RGS6: variants seen among roughly 807,000 people sequenced by gnomAD.
The protein encoded by RGS6 is regulator of G-protein signaling 6.
In RGS6, 30 loss-of-function variants were observed where a neutral mutation model predicts 78.5. That is an observed-to-expected ratio of 0.38 (90% CI 0.29 to 0.52). The LOEUF is 0.52. Ranked by LOEUF, RGS6 falls within the 20% of genes least tolerant of loss-of-function variation. The pLI, the probability that RGS6 is intolerant of heterozygous loss-of-function variation, is 0.85. For synonymous variants in RGS6, 206 were observed against 206.0 expected, an observed-to-expected ratio of 1.00 and a Z score of 0.00; for missense variants, 495 against 609.7, an observed-to-expected ratio of 0.81 and a Z score of 1.98.
intron 11 of RGS6, 166 bp downstream of exon 11, chr14:72,477,006 C>T (rs369314266): frequency 3.1e-4 from 183 of 599,414 alleles, no homozygotes; most frequent in African/African-American, 2.9e-3. Context: ...GAACAAGCCA[C>T]GGAAGCTTGA....
chr14:72,465,097 G>T (rs773559363), intron 6 of RGS6, among the ~76,000 whole-genome samples: 1 of 152,160 alleles, frequency 6.6e-6, no homozygotes, highest in African/African-American at 2.4e-5. Context: ...TCCTCAAAAA[G>T]GACACATATG....
chr14:72,574,468 G>A, the RGS6 span, among the ~76,000 whole-genome samples: 1 of 152,184 alleles, frequency 6.6e-6, no homozygotes, highest in African/African-American at 2.4e-5. Context: ...GTGAGGCCGG[G>A]CTGCCCTGAT....
At chr14:72,317,921 C>G (rs1194363393) in intron 2 of RGS6, among the ~76,000 whole-genome samples, 1 of 152,156 alleles carries the variant, frequency 6.6e-6, no homozygotes, top group Non-Finnish European at 1.5e-5. Flanking sequence ...GGAAGCCAGT[C>G]CAAGTCCCAA....
chr14:72,495,027 G>A (rs1364435448), intron 12 of RGS6, 125 bp from the exon 13 acceptor site: 2 of 638,524 alleles, frequency 3.1e-6, no homozygotes, highest in Non-Finnish European at 5.7e-6. Context: ...AGAAGTGGGA[G>A]CGGAAATAAA....
At chr14:72,100,573 C>G (rs2095508268) in intron 2 of RGS6, among the ~76,000 whole-genome samples, 1 of 152,176 alleles carries the variant, frequency 6.6e-6, no homozygotes, top group Non-Finnish European at 1.5e-5. Flanking sequence ...TGAAGTGTCA[C>G]AAACTGTCAG....
At chr14:71,924,776 A>G in the RGS6 span, among the ~76,000 whole-genome samples, 1 of 152,206 alleles carries the variant, frequency 6.6e-6, no homozygotes, top group African/African-American at 2.4e-5. Context: ...GTACATGTCT[A>G]TGTATCTAAA....
chr14:72,326,923 G>A (rs2681712), intron 2 of RGS6, among the ~76,000 whole-genome samples: 43,693 of 151,984 alleles, frequency 0.29, 6,498 homozygotes, highest in South Asian at 0.39. Context: ...TAGCCAGGAT[G>A]GTCTCAATCT....
Position 72,396,969 on chromosome 14 carries a change from C to G in RGS6, c.184+44775C>G, listed in dbSNP as rs528425975. 7.9e-5 allele frequency among the ~76,000 whole-genome samples: 12 copies of G among 152,300 alleles called. No individual in the cohort carries two copies. In the South Asian group the frequency reaches 2.3e-3, roughly 29 times the overall value. ...GTGGCCTTGTAGTATAGTTAGAAGT[C>G]AGGTAGCATGATGCCTCCAGCTTTG... On this transcript the variant is annotated intron_variant, in intron 3 of 17. Transcript: ENST00000553525.
chr14:72,384,178 C>T (rs1347430095), intron 3 of RGS6, among the ~76,000 whole-genome samples: 2 of 152,052 alleles, frequency 1.3e-5, no homozygotes, highest in Non-Finnish European at 2.9e-5. Flanking sequence ...TTAAAATAAA[C>T]ACTGGGGCAT....
At chr14:72,196,770 T>C (rs965051811) in intron 2 of RGS6, among the ~76,000 whole-genome samples, 1 of 152,230 alleles carries the variant, frequency 6.6e-6, no homozygotes, top group Non-Finnish European at 1.5e-5. Context: ...TGATTTGTAT[T>C]CTGCTTCTCC....
chr14:72,279,062 A>G (rs919839865), intron 2 of RGS6, among the ~76,000 whole-genome samples: 1 of 152,094 alleles, frequency 6.6e-6, no homozygotes, highest in African/African-American at 2.4e-5. Context: ...TTACTTCTGT[A>G]AAGGGCGCTA....
At chr14:72,212,618 C>A (rs982089310) in intron 2 of RGS6, among the ~76,000 whole-genome samples, 1 of 152,140 alleles carries the variant, frequency 6.6e-6, no homozygotes, top group Non-Finnish European at 1.5e-5. Context: ...GACATCTCTC[C>A]CCTTTGTGCT....
At chr14:72,475,199 G>GTT (rs11300478) in intron 10 of RGS6, among the ~76,000 whole-genome samples, 2,203 of 121,314 alleles carry the variant, frequency 0.018, 7 homozygotes, top group Non-Finnish European at 0.023. Context: ...CTTTTTTATG[G>GTT]TTTTTTTTTT....
At chr14:72,504,805 G>T (rs1403744812) in intron 13 of RGS6, among the ~76,000 whole-genome samples, 2 of 150,952 alleles carry the variant, frequency 1.3e-5, no homozygotes, top group Non-Finnish European at 2.9e-5. Flanking sequence ...CCAGGCTGGA[G>T]TGCAGTGTCG....
chr14:72,324,506 A>T (rs113505998), intron 2 of RGS6, among the ~76,000 whole-genome samples: 2,132 of 151,940 alleles, frequency 0.014, 54 homozygotes, highest in African/African-American at 0.049. Flanking sequence ...TCCCTCCCCC[A>T]TCCCCCTACC....
At chr14:72,154,760 G>T (rs1414451976) in intron 2 of RGS6, among the ~76,000 whole-genome samples, 1 of 152,202 alleles carries the variant, frequency 6.6e-6, no homozygotes, top group Admixed American at 6.5e-5. Flanking sequence ...CCTGTCCCCA[G>T]TGGTTCTGTT....
intron 3 of RGS6, among the ~76,000 whole-genome samples, chr14:72,417,712 A>G (rs60212857): frequency 0.11 from 16,906 of 152,266 alleles, 1,524 homozygotes; most frequent in African/African-American, 0.24. Flanking sequence ...ATAAAATAGC[A>G]GTACATACCT....
chr14:72,593,121 C>A, the RGS6 span, among the ~76,000 whole-genome samples: 1 of 152,126 alleles, frequency 6.6e-6, no homozygotes, highest in Non-Finnish European at 1.5e-5. Flanking sequence ...CAGGAGAGGA[C>A]AGAAGGAAGG....
At chr14:72,524,729 G>A (rs1287847490) in intron 15 of RGS6, among the ~76,000 whole-genome samples, 1 of 150,958 alleles carries the variant, frequency 6.6e-6, no homozygotes, top group African/African-American at 2.5e-5. Flanking sequence ...GGCCCAGATG[G>A]CTTTTTTTTT....
Sources: gnomAD v4.1 joint callset for allele counts (sites outside exome capture counted in the v4.1 genomes callset) on GRCh38, gnomAD v4.1.1 for gene constraint, MANE v1.5 for transcripts, NCBI Gene and HGNC (gene_info 2026-07-23, HGNC 2026-07-21) for gene names.